The following LRRC8D variants were observed in gnomAD, a reference collection of about 807,000 sequenced individuals.
The protein encoded by LRRC8D is leucine rich repeat containing 8 VRAC subunit D.
LRRC8D carries 20 observed loss-of-function variants against 55.8 expected under a neutral mutation model. The observed-to-expected ratio is 0.36, with a 90% CI of 0.25 to 0.52. The LOEUF is 0.52. LRRC8D is among the 20% of genes least tolerant of loss of function. The probability of loss-of-function intolerance (pLI) is 0.93; values close to 1 mark genes in which losing one functional copy is unlikely to be tolerated. For synonymous variants in LRRC8D, 352 were observed against 377.0 expected (o/e 0.93, Z 0.77); for missense variants, 651 against 1,030.8 (o/e 0.63, Z 5.05).
At chr1:89,834,216 A>G (rs1482479000) in intron 1 of LRRC8D, among the ~76,000 whole-genome samples, 1 of 152,188 alleles carries the variant, frequency 6.6e-6, no homozygotes, top group African/African-American at 2.4e-5. Flanking sequence ...CTTAACATTT[A>G]TCATTACTTT....
intron 2 of LRRC8D, among the ~76,000 whole-genome samples, chr1:89,859,294 C>T (rs183928604): frequency 1.8e-4 from 28 of 151,376 alleles, no homozygotes; most frequent in African/African-American, 6.8e-4. Flanking sequence ...AAATGAGAGA[C>T]TCCATACACG....
intron 1 of LRRC8D, among the ~76,000 whole-genome samples, chr1:89,840,621 TATTAAACC>T (rs2100736066): frequency 6.6e-6 from 1 of 152,316 alleles, no homozygotes; most frequent in Non-Finnish European, 1.5e-5. Context: ...TTTTGTTACC[TATTAAACC>T]ATACAAACTC....
chr1:89,905,275 T>G (rs1277953660), intron 2 of LRRC8D, among the ~76,000 whole-genome samples: 1 of 152,176 alleles, frequency 6.6e-6, no homozygotes, highest in East Asian at 1.9e-4. Flanking sequence ...CTGTTTCTCT[T>G]TTGAATATAT....
chr1:89,921,183 G>C (rs1433054722), intron 2 of LRRC8D, among the ~76,000 whole-genome samples: 1 of 152,116 alleles, frequency 6.6e-6, no homozygotes, highest in East Asian at 1.9e-4. Context: ...AGGCAACATG[G>C]TGAAACCCTG....
chr1:89,890,112 G>T (rs534323795), intron 2 of LRRC8D, among the ~76,000 whole-genome samples: 13 of 152,148 alleles, frequency 8.5e-5, no homozygotes, highest in Non-Finnish European at 1.8e-4. Context: ...CCATGAAACC[G>T]GGAGGCGGAG....
intron 2 of LRRC8D, among the ~76,000 whole-genome samples, chr1:89,876,710 A>C (rs967631298): frequency 7.2e-5 from 11 of 152,246 alleles, no homozygotes; most frequent in African/African-American, 2.7e-4. Flanking sequence ...TTTGGAACAT[A>C]GCCACATTCA....
chr1:89,833,619 G>A (rs771269289), intron 1 of LRRC8D: 2 of 152,256 alleles, frequency 1.3e-5, no homozygotes, highest in African/African-American at 2.4e-5. Flanking sequence ...CTGTAAATGG[G>A]GGAGGGGACA....
At chr1:89,904,093 A>G (rs941015318) in intron 2 of LRRC8D, among the ~76,000 whole-genome samples, 5 of 152,212 alleles carry the variant, frequency 3.3e-5, no homozygotes, top group South Asian at 4.1e-4. Flanking sequence ...GAGAGGGCCT[A>G]AAGAATTAAA....
chr1:89,896,846 A>G (rs180808811), intron 2 of LRRC8D, among the ~76,000 whole-genome samples: 1 of 152,344 alleles, frequency 6.6e-6, no homozygotes, highest in African/African-American at 2.4e-5. Flanking sequence ...CGAAATAAAC[A>G]TATTCACATA....
At chr1:89,879,128 A>G (rs549002933) in intron 2 of LRRC8D, among the ~76,000 whole-genome samples, 16 of 152,092 alleles carry the variant, frequency 1.1e-4, no homozygotes, top group Non-Finnish European at 2.1e-4. Flanking sequence ...GACTTTATCT[A>G]TGCTTTTCTA....
At chr1:89,841,576 T>C (rs1426234631) in intron 1 of LRRC8D, among the ~76,000 whole-genome samples, 1 of 152,198 alleles carries the variant, frequency 6.6e-6, no homozygotes, top group Non-Finnish European at 1.5e-5. Context: ...GAACATCATT[T>C]GCCACTTTCT....
At chr1:89,852,208 G>A (rs1661436908) in intron 2 of LRRC8D, among the ~76,000 whole-genome samples, 1 of 152,152 alleles carries the variant, frequency 6.6e-6, no homozygotes, top group Non-Finnish European at 1.5e-5. Context: ...TGCTTTAAAT[G>A]GGATTTATTA....
chr1:89,890,202 T>A (rs1261282088), intron 2 of LRRC8D, among the ~76,000 whole-genome samples: 1 of 147,252 alleles, frequency 6.8e-6, no homozygotes, highest in East Asian at 1.9e-4. Flanking sequence ...AATAAATAAA[T>A]AAAATAAAAT....
At chr1:89,909,735 G>A (rs1470067219) in intron 2 of LRRC8D, among the ~76,000 whole-genome samples, 2 of 151,832 alleles carry the variant, frequency 1.3e-5, no homozygotes, top group East Asian at 1.9e-4. Flanking sequence ...GCGTGGTGGC[G>A]GGCGCCTGTA....
chr1:89,924,868 T>A (rs1392289306), intron 2 of LRRC8D, among the ~76,000 whole-genome samples: 1 of 152,044 alleles, frequency 6.6e-6, no homozygotes, highest in South Asian at 2.1e-4. Flanking sequence ...AAACACTGAA[T>A]ACACATGGAT....
chr1:89,832,397 G>A (rs1660909574), intron 1 of LRRC8D, among the ~76,000 whole-genome samples: 2 of 152,270 alleles, frequency 1.3e-5, no homozygotes, highest in East Asian at 1.9e-4. Flanking sequence ...ATCATCTGCA[G>A]GTTTTATTCC....
chr1:89,845,939 G>C (rs980496344), intron 2 of LRRC8D, among the ~76,000 whole-genome samples: 3 of 151,866 alleles, frequency 2.0e-5, no homozygotes, highest in Non-Finnish European at 4.4e-5. Context: ...GCACCACCTC[G>C]CTCAGCTAAT....
chr1:89,848,199 C>T (rs1466740589), intron 2 of LRRC8D, among the ~76,000 whole-genome samples: 2 of 152,276 alleles, frequency 1.3e-5, no homozygotes, highest in East Asian at 1.9e-4. Context: ...CTGGATTTCT[C>T]TTAAGAGCAT....
intron 2 of LRRC8D, among the ~76,000 whole-genome samples, chr1:89,885,831 C>T (rs537540107): frequency 6.6e-6 from 1 of 152,324 alleles, no homozygotes; most frequent in South Asian, 2.1e-4. Flanking sequence ...CTTCAGGCTG[C>T]AGGCTGTGGA....
Sources: allele counts gnomAD v4.1 joint callset (sites outside exome capture counted in the v4.1 genomes callset), GRCh38; gene constraint gnomAD v4.1.1; transcripts MANE v1.5; gene names NCBI Gene and HGNC (gene_info 2026-07-23, HGNC 2026-07-21).